The following ATP8A1 variants were observed in gnomAD, a reference collection of about 807,000 sequenced individuals.
The protein encoded by ATP8A1 is phospholipid-transporting ATPase IA.
Under a neutral mutation model 177.7 loss-of-function variants are expected in ATP8A1, and 90 were observed. The observed-to-expected ratio is 0.51, with a 90% CI of 0.43 to 0.60. The LOEUF (loss-of-function observed/expected upper bound fraction) is 0.60. Among genes scored for constraint, ATP8A1 ranks in the 20% least tolerant of loss-of-function variants. The pLI is 0.00. For missense variants in ATP8A1, 1,072 were observed against 1,392.8 expected, an observed-to-expected ratio of 0.77 and a Z score of 3.67; for synonymous variants, 493 against 485.9, an observed-to-expected ratio of 1.01 and a Z score of -0.19.
Position 42,590,989 on chromosome 4 carries a change from T to C in ATP8A1, c.451-105A>G, listed in dbSNP as rs1577659311. 9.1e-6 allele frequency: 9 copies of C among 987,262 alleles called. No homozygotes were observed. In the East Asian group the frequency reaches 1.5e-4, roughly 17 times the overall value. The allele number at this position is 987,262 out of a possible 1,614,324, so 61.2% of individuals were successfully genotyped here. ...AGAGACAGAAAGTTCGAAATTATTA[T>C]AGAAAATAATACATGTTAATAAAAA... On this transcript the variant is annotated intron_variant, in intron 6 of 36. Transcript: ENST00000381668.
At chr4:42,635,776 C>CATATATATATATATATAT (rs1489319364) in intron 1 of ATP8A1, among the ~76,000 whole-genome samples, 2 of 37,212 alleles carry the variant, frequency 5.4e-5, no homozygotes, top group African/African-American at 1.2e-4. Flanking sequence ...CACACACACA[C>CATATATATATATATATAT]ACACACATAT....
intron 1 of ATP8A1, among the ~76,000 whole-genome samples, chr4:42,631,916 A>C (rs1738778496): frequency 6.6e-6 from 1 of 152,202 alleles, no homozygotes; most frequent in African/African-American, 2.4e-5. Flanking sequence ...ACAAGTACAG[A>C]CACACAAAGT....
chr4:42,577,481 TGAAA>T (rs1417777237), intron 12 of ATP8A1, among the ~76,000 whole-genome samples: 1 of 152,106 alleles, frequency 6.6e-6, no homozygotes, highest in African/African-American at 2.4e-5. Flanking sequence ...TTGTTCATAT[TGAAA>T]GACTTTACAA....
At chr4:42,525,392 TCACAG>T (rs375562236) in intron 20 of ATP8A1, among the ~76,000 whole-genome samples, 133 of 150,576 alleles carry the variant, frequency 8.8e-4, no homozygotes, top group African/African-American at 3.2e-3. Flanking sequence ...GGACCAGTGC[TCACAG>T]AAGAACAAAC....
intron 1 of ATP8A1, among the ~76,000 whole-genome samples, chr4:42,630,289 C>T (rs763813046): frequency 8.5e-5 from 13 of 152,132 alleles, no homozygotes; most frequent in East Asian, 5.8e-4. Context: ...TTCTATTCCT[C>T]GTTTTAAGGA....
chr4:42,542,563 A>G (rs2153206441), intron 20 of ATP8A1, among the ~76,000 whole-genome samples: 1 of 152,260 alleles, frequency 6.6e-6, no homozygotes, highest in Non-Finnish European at 1.5e-5. Flanking sequence ...CATTTACATT[A>G]GGTATTTCTC....
rs1458922555 is a variant in ATP8A1, at chr4:42,645,207, G to A, written c.49+11618C>T. Among the ~76,000 whole-genome samples, 5 of 152,212 alleles carry A rather than the reference G, an allele frequency of 3.3e-5. No homozygotes were observed. In the East Asian group the frequency reaches 7.7e-4, roughly 23 times the overall value. On this transcript the variant is annotated intron_variant, in intron 1 of 36. Coordinates refer to ENST00000381668, the MANE Select transcript of ATP8A1 (RefSeq NM_006095.2). ...GAAAGTCTTCAAAACCTAATAAATAGTATTAATGTATGACCTTGATCATTT... is the reference window on the plus strand; with the variant it reads ...GAAAGTCTTCAAAACCTAATAAATAATATTAATGTATGACCTTGATCATTT...
intron 6 of ATP8A1, among the ~76,000 whole-genome samples, chr4:42,595,679 C>T (rs184496057): frequency 6.6e-6 from 1 of 152,256 alleles, no homozygotes; most frequent in African/African-American, 2.4e-5. Context: ...TAGAATGCAT[C>T]CAGGTTACCA....
chr4:42,412,893 G>T lies in ATP8A1; in HGVS notation c.*23C>A. 1.2e-6 allele frequency: 2 copies of T among 1,606,144 alleles called. No individual in the cohort carries two copies. Among genetic ancestry groups the T allele is most frequent in the Non-Finnish European group, 1.7e-6 (2 of 1,173,236 alleles). Reference sequence around the variant, plus strand: ...TAGCTCTCCTTAGAGAGGTAACAGAGCCTGCCTTTCAGGCTCTCCCCATCA... The same window carrying T: ...TAGCTCTCCTTAGAGAGGTAACAGATCCTGCCTTTCAGGCTCTCCCCATCA... On this transcript the variant is annotated 3_prime_UTR_variant, in exon 37 of 37. Coordinates refer to ENST00000381668, the MANE Select transcript of ATP8A1 (RefSeq NM_006095.2).
At chr4:42,582,278 C>T (rs1403644945) in intron 9 of ATP8A1, among the ~76,000 whole-genome samples, 1 of 152,084 alleles carries the variant, frequency 6.6e-6, no homozygotes, top group African/African-American at 2.4e-5. Context: ...ATTAAAGCCA[C>T]CTAGTCTATG....
intron 20 of ATP8A1, among the ~76,000 whole-genome samples, chr4:42,536,489 A>G (rs1207444101): frequency 1.3e-5 from 2 of 152,234 alleles, no homozygotes; most frequent in South Asian, 2.1e-4. Flanking sequence ...GTCCAGGACC[A>G]GACTAATTCA....
intron 24 of ATP8A1, among the ~76,000 whole-genome samples, chr4:42,495,745 G>C (rs905599283): frequency 6.6e-6 from 1 of 151,912 alleles, no homozygotes; most frequent in African/African-American, 2.4e-5. Flanking sequence ...TTTCCAAAAC[G>C]GGTAAGGCAG....
intron 33 of ATP8A1, among the ~76,000 whole-genome samples, chr4:42,431,797 G>T (rs1715338574): frequency 6.6e-6 from 1 of 152,088 alleles, no homozygotes; most frequent in Admixed American, 6.6e-5. Context: ...AAACCTATCT[G>T]CCATGGTCTG....
Position 42,657,096 on chromosome 4 carries a change from G to C in ATP8A1, c.-223C>G, listed in dbSNP as rs898717218. 2.3e-5 allele frequency: 9 copies of C among 392,122 alleles called. No homozygotes were observed. Among genetic ancestry groups the C allele is most frequent in the African/African-American group, 6.4e-5 (3 of 47,052 alleles). 24.3% of individuals were successfully genotyped at this position (392,122 alleles called of 1,614,324 possible). The stretch of plus-strand genomic sequence containing the variant: ...AAGGTGGCGGCGCCCGCAGAGCTGG[G>C]CGAGCTCTTGCTGCAGCCGCGGAGG... On this transcript the variant is annotated 5_prime_UTR_variant, in exon 1 of 37. Transcript: ENST00000381668.
chr4:42,522,067 T>A, intron 22 of ATP8A1, 93 bp downstream of exon 22: 1 of 1,403,766 alleles, frequency 7.1e-7, no homozygotes, highest in Non-Finnish European at 9.6e-7. Context: ...TATGTCAAGA[T>A]ATTTTGATTT....
chr4:42,467,814 T>C (rs966084959), intron 25 of ATP8A1, among the ~76,000 whole-genome samples: 1 of 152,240 alleles, frequency 6.6e-6, no homozygotes. Context: ...TCTTGAGAAT[T>C]GTTTATTCAT....
At chr4:42,502,861 A>T (rs73235589) in intron 24 of ATP8A1, among the ~76,000 whole-genome samples, 21,995 of 152,266 alleles carry the variant, frequency 0.14, 1,810 homozygotes, top group East Asian at 0.26. Flanking sequence ...TTTAATATTA[A>T]CAGGTCACTT....
intron 22 of ATP8A1, among the ~76,000 whole-genome samples, chr4:42,510,318 T>C (rs779818176): frequency 9.9e-5 from 15 of 152,168 alleles, no homozygotes; most frequent in Admixed American, 3.3e-4. Context: ...ACAATTATCA[T>C]CAAGAAGTTC....
chr4:42,500,027 C>T (rs1723694865), intron 24 of ATP8A1, among the ~76,000 whole-genome samples: 1 of 152,182 alleles, frequency 6.6e-6, no homozygotes, highest in South Asian at 2.1e-4. Context: ...AAATATTCCC[C>T]TTTCAAATCA....
Sources: allele counts gnomAD v4.1 joint callset (sites outside exome capture counted in the v4.1 genomes callset), GRCh38; gene constraint gnomAD v4.1.1; transcripts MANE v1.5; gene names NCBI Gene and HGNC (gene_info 2026-07-23, HGNC 2026-07-21).